The following TRHDE variants were observed in gnomAD, a reference collection of about 807,000 sequenced individuals.
TRHDE encodes the protein thyrotropin releasing hormone degrading enzyme.
A neutral mutation model predicts 125.7 loss-of-function variants in TRHDE; 72 were observed. That is an observed-to-expected ratio of 0.57 (90% confidence interval 0.47 to 0.70). The LOEUF (loss-of-function observed/expected upper bound fraction) is 0.70. TRHDE is among the 30% of genes least tolerant of loss of function. The pLI is 0.00. For missense variants in TRHDE, 1,110 were observed against 1,327.1 expected (o/e 0.84, Z 2.54); for synonymous variants, 509 against 509.1 (o/e 1.00, Z 0.00).
chr12:72,642,106 G>T (rs1160891752), intron 15 of TRHDE, among the ~76,000 whole-genome samples: 1 of 152,132 alleles, frequency 6.6e-6, no homozygotes, highest in Non-Finnish European at 1.5e-5. Context: ...TGACCATGCT[G>T]TTACCCTAGT....
At chr12:72,129,160 C>A (rs565232449) in intron 2 of TRHDE, among the ~76,000 whole-genome samples, 37 of 152,242 alleles carry the variant, frequency 2.4e-4, no homozygotes, top group African/African-American at 8.2e-4. Context: ...CTATACCCAG[C>A]AAACATATCT....
intron 2 of TRHDE, among the ~76,000 whole-genome samples, chr12:72,192,643 T>A (rs969134242): frequency 6.6e-6 from 1 of 152,128 alleles, no homozygotes; most frequent in Admixed American, 6.5e-5. Context: ...GAAGCCTGGA[T>A]CTAAATTTTT....
chr12:72,608,332 A>G (rs1429475835), intron 12 of TRHDE, among the ~76,000 whole-genome samples: 1 of 152,142 alleles, frequency 6.6e-6, no homozygotes, highest in Non-Finnish European at 1.5e-5. Flanking sequence ...ATTTTTTCTC[A>G]TGTAAATTAA....
intron 5 of TRHDE, among the ~76,000 whole-genome samples, chr12:72,490,748 G>A (rs1221412866): frequency 2.8e-5 from 4 of 142,976 alleles, no homozygotes; most frequent in African/African-American, 7.9e-5. Context: ...ACTAATATGT[G>A]GAATCTGTAA....
chr12:72,168,163 T>A (rs1876793778), intron 2 of TRHDE, among the ~76,000 whole-genome samples: 1 of 152,166 alleles, frequency 6.6e-6, no homozygotes, highest in African/African-American at 2.4e-5. Context: ...GAAATACTAG[T>A]ATGAGAAAAT....
intron 15 of TRHDE, among the ~76,000 whole-genome samples, chr12:72,633,487 T>C (rs1331892465): frequency 5.9e-5 from 9 of 152,080 alleles, no homozygotes; most frequent in Non-Finnish European, 1.3e-4. Flanking sequence ...ATTTTCCTAT[T>C]TCTTTTGGTT....
At chr12:72,446,072 A>G (rs971494695) in intron 3 of TRHDE, among the ~76,000 whole-genome samples, 4 of 150,978 alleles carry the variant, frequency 2.6e-5, no homozygotes, top group Non-Finnish European at 5.9e-5. Flanking sequence ...TCAAATTTTA[A>G]TTTACATGTG....
At chr12:72,517,745 A>G (rs1415500751) in intron 6 of TRHDE, among the ~76,000 whole-genome samples, 2 of 150,880 alleles carry the variant, frequency 1.3e-5, no homozygotes, top group Non-Finnish European at 3.0e-5. Context: ...TTAGGGTGTC[A>G]ATTTTGGATC....
At chr12:72,429,170 A>T (rs1423903992) in intron 3 of TRHDE, among the ~76,000 whole-genome samples, 1 of 151,956 alleles carries the variant, frequency 6.6e-6, no homozygotes, top group Non-Finnish European at 1.5e-5. Context: ...CAGGGAGGGG[A>T]ACATCATACA....
rs930056254 is a variant in TRHDE at position 72,423,285 on chromosome 12, A to G, written c.1315+45164A>G. On this transcript the variant is annotated intron_variant, in intron 3 of 18. Transcript: ENST00000261180. ...TATATTACATGAATTTTCAACTACA[A>G]TATTTTCAGCTTATTATATGTTTAT... 2.0e-5 allele frequency among the ~76,000 whole-genome samples: 3 copies of G among 152,156 alleles called. No individual in the cohort carries two copies. In the South Asian group the frequency reaches 6.2e-4, roughly 32 times the overall value.
Position 72,273,556 on chromosome 12 carries a change from A to C in TRHDE, c.913A>C (p.Arg305=), listed in dbSNP as rs767837763. 2.5e-6 allele frequency: 4 copies of C among 1,583,914 alleles called. No individual in the cohort carries two copies. Among genetic ancestry groups the C allele is most frequent in the Non-Finnish European group, 3.4e-6 (4 of 1,167,022 alleles). ...RSSYVLHGER[R]FLGVTQFSPT... is the part of the protein sequence containing the mutation. ...CTCCTATGTGCTCCACGGGGAGAGA[A>C]GGTATGGAGGGAGGCGGTGCCCCGC... The change falls in exon 1 of 19, where the codon AGA becomes CGA. Residue 305 remains arginine (R), a splice_region_variant and synonymous_variant. Transcript: ENST00000261180. This position sits in a 1 kb window ranked among gnomAD's most constrained non-coding sequence, Gnocchi z 5.3.
chr12:72,637,012 G>T (rs1030056225), intron 15 of TRHDE, among the ~76,000 whole-genome samples: 2 of 152,160 alleles, frequency 1.3e-5, no homozygotes, highest in East Asian at 3.9e-4. Context: ...GATGATGCTG[G>T]CCTCATAAAT....
intron 3 of TRHDE, among the ~76,000 whole-genome samples, chr12:72,460,160 G>T (rs1431379672): frequency 6.6e-6 from 1 of 152,180 alleles, no homozygotes; most frequent in Non-Finnish European, 1.5e-5. Context: ...AGCAGTCAGT[G>T]CCTGTTCTCA....
At chr12:72,132,970 C>T (rs911995459) in intron 2 of TRHDE, among the ~76,000 whole-genome samples, 48 of 152,094 alleles carry the variant, frequency 3.2e-4, no homozygotes, top group Middle Eastern at 3.4e-3. Flanking sequence ...AGAGAAGGGA[C>T]GATAGAAAAG....
intron 3 of TRHDE, among the ~76,000 whole-genome samples, chr12:72,424,070 A>C (rs1157691187): frequency 6.6e-6 from 1 of 152,218 alleles, no homozygotes; most frequent in Non-Finnish European, 1.5e-5. Flanking sequence ...TATTTGAAAG[A>C]AACTGGGTAG....
chr12:72,098,008 G>T (rs1874973838), intron 1 of TRHDE, among the ~76,000 whole-genome samples: 1 of 151,868 alleles, frequency 6.6e-6, no homozygotes, highest in Non-Finnish European at 1.5e-5. Flanking sequence ...TCATGATAAT[G>T]AATTCTTTTT....
chr12:72,235,766 G>A (rs953979748), intron 2 of TRHDE, among the ~76,000 whole-genome samples: 2 of 145,566 alleles, frequency 1.4e-5, no homozygotes, highest in African/African-American at 2.6e-5. Flanking sequence ...GATCATCAGA[G>A]CACTATAGCC....
intron 1 of TRHDE, chr12:72,274,606 T>G: frequency 6.6e-6 from 1 of 152,270 alleles, no homozygotes; most frequent in East Asian, 1.9e-4. Flanking sequence ...ATTATCAGCA[T>G]TCCCTATTTT....
At chr12:72,515,417 T>C (rs1391348329) in intron 6 of TRHDE, among the ~76,000 whole-genome samples, 1 of 151,540 alleles carries the variant, frequency 6.6e-6, no homozygotes, top group Admixed American at 6.6e-5. Flanking sequence ...CATGTGTTTT[T>C]TGGCTGCATA....
Sources: allele counts gnomAD v4.1 joint callset (sites outside exome capture counted in the v4.1 genomes callset), GRCh38; gene constraint gnomAD v4.1.1; non-coding constraint Gnocchi (gnomAD v3.1); transcripts MANE v1.5; gene names NCBI Gene and HGNC (gene_info 2026-07-23, HGNC 2026-07-21).